RORB: variants seen among roughly 807,000 people sequenced by gnomAD.
RORB encodes RAR related orphan receptor B.
A neutral mutation model predicts 59.1 loss-of-function variants in RORB; 6 were observed. That is an observed-to-expected ratio of 0.10 (90% CI 0.06 to 0.20). The LOEUF is 0.20. Ranked by LOEUF, RORB falls within the 10% of genes least tolerant of loss-of-function variation. The probability of loss-of-function intolerance (pLI) is 1.00; values close to 1 mark genes in which losing one functional copy is unlikely to be tolerated. For missense variants in RORB, 320 were observed against 560.5 expected, an observed-to-expected ratio of 0.57 and a Z score of 4.33; for synonymous variants, 215 against 204.5, an observed-to-expected ratio of 1.05 and a Z score of -0.44.
rs920540451 is a variant in RORB, at chr9:74,692,029, A to G, written c.*6411A>G. ...CTTTGTCCAAATCCTTTCTGCATGG[A>G]ATAGCTTAAGGAAAACAAACTCCGC... On this transcript the variant is annotated 3_prime_UTR_variant, in exon 10 of 10. Transcript: ENST00000376896. 2.0e-5 allele frequency: 3 copies of G among 152,342 alleles called. No individual in the cohort carries two copies. The highest frequency in any genetic ancestry group is 7.2e-5 in the African/African-American group (3 of 41,582). The allele number at this position is 152,342 out of a possible 1,614,324, so 9.4% of individuals were successfully genotyped here.
At chr9:74,622,673 C>T (rs560337544) in intron 1 of RORB, among the ~76,000 whole-genome samples, 76 of 151,794 alleles carry the variant, frequency 5.0e-4, no homozygotes, top group African/African-American at 1.6e-3. Flanking sequence ...ACTACAGGTG[C>T]GCACCACCAC....
chr9:74,547,747 G>A (rs1202155185), intron 1 of RORB, among the ~76,000 whole-genome samples: 3 of 152,198 alleles, frequency 2.0e-5, no homozygotes, highest in African/African-American at 7.2e-5. Context: ...GAGAGACAGT[G>A]ACTCCTATGA....
rs557152863 is a variant in RORB at position 74,655,090 on chromosome 9, A to T, written c.638-5527A>T. 2.0e-5 allele frequency among the ~76,000 whole-genome samples: 3 copies of T among 152,314 alleles called. No individual in the cohort carries two copies. In the South Asian group the frequency reaches 6.2e-4, roughly 32 times the overall value. ...ATAAAATTGTTTTTCTCTTTCCTCTATATCATTATATTAACTATCAAAGCA... is the reference window on the plus strand; with the variant it reads ...ATAAAATTGTTTTTCTCTTTCCTCTTTATCATTATATTAACTATCAAAGCA... On this transcript the variant is annotated intron_variant, in intron 4 of 9. Coordinates refer to ENST00000376896, the MANE Select transcript of RORB (RefSeq NM_006914.4).
intron 1 of RORB, among the ~76,000 whole-genome samples, chr9:74,528,057 A>G (rs907849854): frequency 6.6e-6 from 1 of 152,014 alleles, no homozygotes; most frequent in Admixed American, 6.6e-5. Context: ...TAAACTATCT[A>G]TGTGTTTTTA....
chr9:74,506,872 T>C (rs529152898), intron 1 of RORB, among the ~76,000 whole-genome samples: 1 of 152,238 alleles, frequency 6.6e-6, no homozygotes, highest in South Asian at 2.1e-4. Flanking sequence ...CCTTCGGTTG[T>C]AACAATATCC....
intron 1 of RORB, among the ~76,000 whole-genome samples, chr9:74,527,395 C>T (rs1563928779): frequency 1.3e-5 from 2 of 151,910 alleles, no homozygotes. Context: ...AACCCCCTAC[C>T]CTAATGAAAC....
At chr9:74,549,879 C>T (rs541528006) in intron 1 of RORB, among the ~76,000 whole-genome samples, 1 of 152,112 alleles carries the variant, frequency 6.6e-6, no homozygotes, top group Non-Finnish European at 1.5e-5. Flanking sequence ...CAGGTGTGTG[C>T]CACTACGCCC....
intron 1 of RORB, among the ~76,000 whole-genome samples, chr9:74,575,839 G>A (rs1460211807): frequency 6.6e-6 from 1 of 152,058 alleles, no homozygotes; most frequent in Non-Finnish European, 1.5e-5. Flanking sequence ...GGACAAATCA[G>A]ACACAATATT....
At chr9:74,577,483 T>C (rs1822654788) in intron 1 of RORB, among the ~76,000 whole-genome samples, 1 of 152,120 alleles carries the variant, frequency 6.6e-6, no homozygotes. Flanking sequence ...AAATGGAAAG[T>C]ACCTGTCAGT....
chr9:74,635,711 C>G (rs1823689938), intron 3 of RORB, among the ~76,000 whole-genome samples: 1 of 152,152 alleles, frequency 6.6e-6, no homozygotes, highest in African/African-American at 2.4e-5. Flanking sequence ...AATGCCCTGA[C>G]ACTTTCTGTC....
At chr9:74,634,109 A>G (rs559375935) in intron 2 of RORB, among the ~76,000 whole-genome samples, 1 of 146,778 alleles carries the variant, frequency 6.8e-6, no homozygotes, top group Non-Finnish European at 1.5e-5. Context: ...TTTCAGCTGC[A>G]TTCGAGCCAA....
At chr9:74,583,395 A>T (rs1822753520) in intron 1 of RORB, among the ~76,000 whole-genome samples, 1 of 152,006 alleles carries the variant, frequency 6.6e-6, no homozygotes, top group South Asian at 2.1e-4. Flanking sequence ...CAAAACAGAT[A>T]CTGCTTTACA....
At chr9:74,621,398 A>G (rs943290587) in intron 1 of RORB, among the ~76,000 whole-genome samples, 2 of 152,198 alleles carry the variant, frequency 1.3e-5, no homozygotes, top group Admixed American at 6.5e-5. Flanking sequence ...TAAGTTTCCA[A>G]CATATATTTT....
intron 9 of RORB, among the ~76,000 whole-genome samples, chr9:74,677,148 A>G (rs923930082): frequency 6.6e-6 from 1 of 152,198 alleles, no homozygotes; most frequent in African/African-American, 2.4e-5. Context: ...GCTACGACAT[A>G]GAGAGAGTAG....
At chr9:74,602,344 A>G (rs1197401448) in intron 1 of RORB, among the ~76,000 whole-genome samples, 2 of 152,216 alleles carry the variant, frequency 1.3e-5, no homozygotes, top group African/African-American at 4.8e-5. Flanking sequence ...AAATGAATGA[A>G]TCCTATATTG....
At chr9:74,647,158 G>T (rs915864098) in intron 4 of RORB, among the ~76,000 whole-genome samples, 1 of 152,184 alleles carries the variant, frequency 6.6e-6, no homozygotes, top group Non-Finnish European at 1.5e-5. Context: ...TCAAACTGGC[G>T]TGATGGATGT....
rs140854961 is a variant in RORB, at chr9:74,504,028, T to C, written c.7+6045T>C. 1.4e-4 allele frequency among the ~76,000 whole-genome samples: 21 copies of C among 152,172 alleles called. 1 individual carries two copies. The East Asian group carries it at 4.0e-3, about 29-fold the overall frequency. Reference sequence around the variant, plus strand: ...ATGAAAGGAAATATTGTGATCATAATGTGACAAAATTATTGTATATTTCAA... The same window carrying C: ...ATGAAAGGAAATATTGTGATCATAACGTGACAAAATTATTGTATATTTCAA... On this transcript the variant is annotated intron_variant, in intron 1 of 9. Transcript: ENST00000376896.
intron 1 of RORB, among the ~76,000 whole-genome samples, chr9:74,621,783 G>A (rs116129117): frequency 6.6e-6 from 1 of 152,120 alleles, no homozygotes; most frequent in South Asian, 2.1e-4. Flanking sequence ...GTTTATAGTG[G>A]CACCTCATTG....
At chr9:74,533,240 TC>T (rs1826274151) in intron 1 of RORB, among the ~76,000 whole-genome samples, 1 of 151,976 alleles carries the variant, frequency 6.6e-6, no homozygotes, top group Admixed American at 6.6e-5. Context: ...GATAGATGTT[TC>T]CCCTGAGAGG....
Sources: gnomAD v4.1 joint callset for allele counts (sites outside exome capture counted in the v4.1 genomes callset) on GRCh38, gnomAD v4.1.1 for gene constraint, MANE v1.5 for transcripts, NCBI Gene and HGNC (gene_info 2026-07-23, HGNC 2026-07-21) for gene names.